The following TNKS variants were observed in gnomAD, a reference collection of about 807,000 sequenced individuals.
The protein encoded by TNKS is poly [ADP-ribose] polymerase tankyrase-1.
TNKS carries 72 observed loss-of-function variants against 135.8 expected under a neutral mutation model. That is an observed-to-expected ratio of 0.53 (90% confidence interval 0.44 to 0.64). The LOEUF (loss-of-function observed/expected upper bound fraction) is 0.64. Ranked by LOEUF, TNKS falls within the 30% of genes least tolerant of loss-of-function variation. The probability of loss-of-function intolerance (pLI) is 0.00; values close to 1 mark genes in which losing one functional copy is unlikely to be tolerated. For missense variants in TNKS, 1,769 were observed against 1,674.0 expected (o/e 1.06, Z -0.99); for synonymous variants, 849 against 649.3 (o/e 1.31, Z -4.68).
rs551657949 is a variant in TNKS at position 9,597,405 on chromosome 8, C to T, written c.898+17022C>T. On this transcript the variant is annotated intron_variant, in intron 2 of 26. Coordinates refer to ENST00000310430, the MANE Select transcript of TNKS (RefSeq NM_003747.3). ...AAAGCTCAGTGAAGGGCTGACATTC[C>T]CATAAGCTGCTCTTTGTTACCATCA... Among the ~76,000 whole-genome samples the T allele has an allele frequency of 9.9e-5, 15 of 152,236 alleles. No individual in the cohort carries two copies. The South Asian group carries it at 2.9e-3, about 29-fold the overall frequency.
chr8:9,583,882 T>A (rs903174358), intron 2 of TNKS, among the ~76,000 whole-genome samples: 1 of 148,820 alleles, frequency 6.7e-6, no homozygotes, highest in Non-Finnish European at 1.5e-5. Context: ...GATCTGGGAG[T>A]CGGAGGGTGC....
At chr8:9,608,852 C>G (rs377754593) in intron 2 of TNKS, among the ~76,000 whole-genome samples, 13 of 152,210 alleles carry the variant, frequency 8.5e-5, no homozygotes, top group African/African-American at 3.1e-4. Flanking sequence ...AGTTTCTCTT[C>G]TTTCAGGGAT....
chr8:9,688,206 TGTTCA>T (rs1803100627), intron 5 of TNKS, among the ~76,000 whole-genome samples: 1 of 152,228 alleles, frequency 6.6e-6, no homozygotes, highest in Non-Finnish European at 1.5e-5. Flanking sequence ...TTGAACAGAC[TGTTCA>T]GTTAATATCA....
chr8:9,560,493 C>CTTTTTTTTTTTTTTTTT lies in TNKS; in HGVS notation c.673+3895_673+3911dup, dbSNP rs535715245. Among the ~76,000 whole-genome samples the CTTTTTTTTTTTTTTTTT allele has an allele frequency of 3.1e-4, 13 of 42,312 alleles. 1 individual carries two copies. The highest frequency in any genetic ancestry group is 3.7e-4 in the Non-Finnish European group (9 of 24,402). 27.8% of individuals were successfully genotyped at this position (42,312 alleles called of 152,430 possible). On this transcript the variant is annotated intron_variant, in intron 1 of 26. Coordinates refer to ENST00000310430, the MANE Select transcript of TNKS (RefSeq NM_003747.3). ...GATTTTTCAGCATGGCCATACTTGT[C>CTTTTTTTTTTTTTTTTT]TTTTTTTTTTTTTTTTTTTTTTTTT...
At chr8:9,627,672 CTGTT>C (rs916697184) in intron 3 of TNKS, among the ~76,000 whole-genome samples, 6 of 152,040 alleles carry the variant, frequency 3.9e-5, no homozygotes, top group African/African-American at 9.7e-5. Flanking sequence ...AGAGGCAAAA[CTGTT>C]TGTTTGTGTT....
chr8:9,592,476 G>GT (rs1196126175), intron 2 of TNKS, among the ~76,000 whole-genome samples: 1 of 152,128 alleles, frequency 6.6e-6, no homozygotes, highest in Non-Finnish European at 1.5e-5. Flanking sequence ...TAAACTTCCT[G>GT]TTCTTCTTGG....
chr8:9,710,288 C>A, intron 11 of TNKS, 68 bp downstream of exon 11: 1 of 1,435,734 alleles, frequency 7.0e-7, no homozygotes, highest in Non-Finnish European at 9.8e-7. Flanking sequence ...AACACTGCTT[C>A]TCTCTCTCCG....
At chr8:9,762,345 C>G (rs557558724) in intron 21 of TNKS, among the ~76,000 whole-genome samples, 2 of 152,284 alleles carry the variant, frequency 1.3e-5, no homozygotes, top group African/African-American at 4.8e-5. Context: ...GTGCTTGAGT[C>G]TTGCTTATTT....
intron 5 of TNKS, among the ~76,000 whole-genome samples, chr8:9,682,653 C>T (rs1344083341): frequency 6.6e-6 from 1 of 152,074 alleles, no homozygotes; most frequent in Non-Finnish European, 1.5e-5. Flanking sequence ...CCAAGGCTGG[C>T]ACTTTGCATA....
intron 25 of TNKS, among the ~76,000 whole-genome samples, chr8:9,768,454 C>T (rs1345652590): frequency 6.6e-6 from 1 of 152,192 alleles, no homozygotes; most frequent in Non-Finnish European, 1.5e-5. Context: ...TTGCATTTGT[C>T]AAAATTTGCC....
rs567991584 is a variant in TNKS, at chr8:9,579,761, G to A, written c.674-398G>A. ...TGTGAGGGTGTGAGCCACTGCGCCCGGCTTATCAGCAGTATTTAAATAACC... is the reference window on the plus strand; with the variant it reads ...TGTGAGGGTGTGAGCCACTGCGCCCAGCTTATCAGCAGTATTTAAATAACC... On this transcript the variant is annotated intron_variant, in intron 1 of 26. Transcript: ENST00000310430. Among the ~76,000 whole-genome samples the A allele has an allele frequency of 4.6e-5, 7 of 152,194 alleles. No individual in the cohort carries two copies. The South Asian group carries it at 6.2e-4, about 13-fold the overall frequency.
chr8:9,655,409 C>G (rs539268081), intron 3 of TNKS, among the ~76,000 whole-genome samples: 1 of 152,194 alleles, frequency 6.6e-6, no homozygotes, highest in African/African-American at 2.4e-5. Flanking sequence ...TCTCCCAGCA[C>G]GCAGCTTGAG....
chr8:9,603,133 AC>A (rs1799081145), intron 2 of TNKS, among the ~76,000 whole-genome samples: 1 of 151,924 alleles, frequency 6.6e-6, no homozygotes, highest in Non-Finnish European at 1.5e-5. Flanking sequence ...GCTCACTGCA[AC>A]CTCCATCTCC....
intron 1 of TNKS, among the ~76,000 whole-genome samples, chr8:9,569,122 G>C (rs1797663547): frequency 6.6e-6 from 1 of 152,214 alleles, no homozygotes; most frequent in African/African-American, 2.4e-5. Context: ...ATAGTTGCAA[G>C]TGTTACAGAA....
chr8:9,593,801 G>A (rs1798673552), intron 2 of TNKS, among the ~76,000 whole-genome samples: 1 of 152,106 alleles, frequency 6.6e-6, no homozygotes, highest in Non-Finnish European at 1.5e-5. Context: ...ACGGGATTGG[G>A]GATGGGGGAA....
At chr8:9,753,134 T>G (rs1425353046) in intron 20 of TNKS, among the ~76,000 whole-genome samples, 1 of 152,234 alleles carries the variant, frequency 6.6e-6, no homozygotes, top group African/African-American at 2.4e-5. Context: ...ATTTTATCTT[T>G]ATAAGCAGTC....
chr8:9,765,354 A>T (rs929252387), intron 23 of TNKS, among the ~76,000 whole-genome samples: 24 of 152,072 alleles, frequency 1.6e-4, no homozygotes, highest in African/African-American at 3.1e-4. Flanking sequence ...GAACTTTTTT[A>T]AAAAAAATAC....
At chr8:9,717,099 A>ATATATATATT (rs1804649864) in intron 11 of TNKS, among the ~76,000 whole-genome samples, 1 of 124,532 alleles carries the variant, frequency 8.0e-6, no homozygotes, top group African/African-American at 2.9e-5. Flanking sequence ...ATATATATAT[A>ATATATATATT]TATTTTCAGG....
chr8:9,583,989 A>C (rs918936235), intron 2 of TNKS, among the ~76,000 whole-genome samples: 3 of 151,146 alleles, frequency 2.0e-5, no homozygotes, highest in East Asian at 2.0e-4. Context: ...ACAGTGAAAC[A>C]CCGTCTCTAC....
Sources: gnomAD v4.1 joint callset for allele counts (sites outside exome capture counted in the v4.1 genomes callset) on GRCh38, gnomAD v4.1.1 for gene constraint, MANE v1.5 for transcripts, NCBI Gene and HGNC (gene_info 2026-07-23, HGNC 2026-07-21) for gene names.